The following PRKCB variants were observed in gnomAD, a reference collection of about 807,000 sequenced individuals.
The protein encoded by PRKCB is protein kinase C beta.
In PRKCB, 13 loss-of-function variants were observed where a neutral mutation model predicts 81.5. The observed-to-expected ratio is 0.16, with a 90% CI of 0.10 to 0.25. The LOEUF is 0.25. PRKCB is among the 10% of genes least tolerant of loss of function. The pLI, the probability that PRKCB is intolerant of heterozygous loss-of-function variation, is 1.00. For synonymous variants in PRKCB, 335 were observed against 321.4 expected (o/e 1.04, Z -0.45); for missense variants, 509 against 875.7 (o/e 0.58, Z 5.29).
chr16:23,913,158 T>A (rs952131792), intron 2 of PRKCB, among the ~76,000 whole-genome samples: 2 of 152,014 alleles, frequency 1.3e-5, no homozygotes, highest in African/African-American at 4.8e-5. Context: ...TGGGAGGCCA[T>A]CTTCCATCCA....
intron 3 of PRKCB, among the ~76,000 whole-genome samples, chr16:24,030,346 G>T (rs1181069102): frequency 1.3e-5 from 2 of 152,080 alleles, no homozygotes; most frequent in African/African-American, 2.4e-5. Flanking sequence ...GCGGGGGTGC[G>T]CTCTGAGTGC....
chr16:24,128,330 G>A (rs531032225), intron 9 of PRKCB, among the ~76,000 whole-genome samples: 8 of 152,274 alleles, frequency 5.3e-5, no homozygotes, highest in South Asian at 2.1e-4. Context: ...AGCCGAGATC[G>A]TGCCACTGCA....
chr16:24,160,656 T>C (rs1341250405), intron 10 of PRKCB, among the ~76,000 whole-genome samples: 1 of 152,234 alleles, frequency 6.6e-6, no homozygotes, highest in African/African-American at 2.4e-5. Flanking sequence ...ATAAAGTCCC[T>C]GTTTCTTTGG....
intron 5 of PRKCB, among the ~76,000 whole-genome samples, chr16:24,090,632 T>C (rs1022544455): frequency 6.6e-5 from 10 of 152,110 alleles, no homozygotes; most frequent in Non-Finnish European, 1.0e-4. Context: ...ATCAAGAGAA[T>C]GTGTTGGGTT....
intron 9 of PRKCB, among the ~76,000 whole-genome samples, chr16:24,124,584 G>A (rs539195674): frequency 6.6e-6 from 1 of 152,212 alleles, no homozygotes; most frequent in South Asian, 2.1e-4. Flanking sequence ...GATGACCCTG[G>A]GACTCATACA....
intron 16 of PRKCB, among the ~76,000 whole-genome samples, chr16:24,201,628 C>T (rs1451291019): frequency 6.6e-6 from 1 of 152,112 alleles, no homozygotes. Flanking sequence ...GTCACCAGCC[C>T]CTCTTAGCCA....
At chr16:23,983,558 A>G (rs768962625) in intron 2 of PRKCB, among the ~76,000 whole-genome samples, 29 of 152,084 alleles carry the variant, frequency 1.9e-4, no homozygotes, top group Non-Finnish European at 3.1e-4. Context: ...TCCTTTTTCT[A>G]TGACTGATGA....
Position 24,218,786 on chromosome 16 carries a change from C to A in PRKCB, c.*3970C>A, listed in dbSNP as rs919182764. On this transcript the variant is annotated 3_prime_UTR_variant, in exon 17 of 17. Coordinates refer to ENST00000643927, the MANE Select transcript of PRKCB (RefSeq NM_002738.7). ...ATCTGAGGCAACTTTGGCTGCAGCC[C>A]GGGAATGTGCAGGGCACTAGGGAAT... The A allele has an allele frequency of 1.0e-6, 1 of 985,370 alleles. No individual in the cohort carries two copies. Among genetic ancestry groups the A allele is most frequent in the African/African-American group, 1.7e-5 (1 of 57,324 alleles). 61.0% of individuals were successfully genotyped at this position (985,370 alleles called of 1,614,324 possible).
intron 7 of PRKCB, among the ~76,000 whole-genome samples, chr16:24,097,032 CTTTTTT>C (rs35055699): frequency 4.8e-5 from 4 of 82,672 alleles, no homozygotes; most frequent in Admixed American, 1.7e-4. Flanking sequence ...CATCTTAGGC[CTTTTTT>C]TTTTTTTTTT....
chr16:24,163,640 G>T (rs1967298932), intron 10 of PRKCB, among the ~76,000 whole-genome samples: 1 of 152,366 alleles, frequency 6.6e-6, no homozygotes, highest in South Asian at 2.1e-4. Flanking sequence ...AGCATCAATT[G>T]CTTGATTCTA....
intron 5 of PRKCB, among the ~76,000 whole-genome samples, chr16:24,042,076 T>A (rs1965704483): frequency 6.6e-6 from 1 of 152,134 alleles, no homozygotes; most frequent in African/African-American, 2.4e-5. Context: ...TTGTTTAACT[T>A]TTATTTGAAC....
chr16:24,181,432 C>A (rs948325859), intron 13 of PRKCB, among the ~76,000 whole-genome samples: 9 of 152,062 alleles, frequency 5.9e-5, no homozygotes, highest in Non-Finnish European at 1.0e-4. Context: ...GTGAAAAGAT[C>A]TTCAAGACAC....
chr16:24,138,287 G>A (rs373175821), intron 9 of PRKCB, among the ~76,000 whole-genome samples: 2 of 152,298 alleles, frequency 1.3e-5, no homozygotes, highest in East Asian at 3.9e-4. Flanking sequence ...AACAACAAAG[G>A]GGGGCAGTGC....
chr16:24,010,710 G>C (rs1965192279), intron 3 of PRKCB, among the ~76,000 whole-genome samples: 2 of 152,108 alleles, frequency 1.3e-5, no homozygotes, highest in South Asian at 4.1e-4. Context: ...GGTGAGCCTG[G>C]AAGCCACTTG....
Position 23,836,057 on chromosome 16 carries a change from A to C in PRKCB, c.-119A>C. On this transcript the variant is annotated 5_prime_UTR_variant, in exon 1 of 17. Coordinates refer to ENST00000643927, the MANE Select transcript of PRKCB (RefSeq NM_002738.7). ...CGGCCGCCAGAGCCGGCGCAGGGGA[A>C]GCGCCCGCGGCCCCGGGTGCAGCAG... 1.4e-6 allele frequency: 1 copy of C among 692,710 alleles called. No homozygotes were observed. Among genetic ancestry groups the C allele is most frequent in the Non-Finnish European group, 1.8e-6 (1 of 564,400 alleles). 42.9% of individuals were successfully genotyped at this position (692,710 alleles called of 1,614,324 possible).
At chr16:24,004,478 C>CAAAAAAAAA (rs71154264) in intron 3 of PRKCB, among the ~76,000 whole-genome samples, 1 of 47,442 alleles carries the variant, frequency 2.1e-5, no homozygotes, top group Non-Finnish European at 4.6e-5. Context: ...CAAGTCTCTA[C>CAAAAAAAAA]AAAAAAAAAA....
At chr16:23,847,610 A>AAT (rs1897403849) in intron 2 of PRKCB, among the ~76,000 whole-genome samples, 1 of 151,912 alleles carries the variant, frequency 6.6e-6, no homozygotes, top group Non-Finnish European at 1.5e-5. Context: ...CCATTCATTT[A>AAT]ATATATATTT....
chr16:23,893,144 A>G (rs567270419), intron 2 of PRKCB: 6 of 152,354 alleles, frequency 3.9e-5, no homozygotes, highest in African/African-American at 1.2e-4. Flanking sequence ...CCTCAAAAAA[A>G]TCTGAGACTA....
chr16:23,947,507 A>T (rs1964218276), intron 2 of PRKCB, among the ~76,000 whole-genome samples: 2 of 152,080 alleles, frequency 1.3e-5, no homozygotes, highest in African/African-American at 2.4e-5. Flanking sequence ...AGTAGGAGAG[A>T]GTCACTTTCT....
Sources: gnomAD v4.1 joint callset for allele counts (sites outside exome capture counted in the v4.1 genomes callset) on GRCh38, gnomAD v4.1.1 for gene constraint, MANE v1.5 for transcripts, NCBI Gene and HGNC (gene_info 2026-07-23, HGNC 2026-07-21) for gene names.